The following ORM1 variants were observed in gnomAD, a reference collection of about 807,000 sequenced individuals.
The protein encoded by ORM1 is orosomucoid 1.
Under a neutral mutation model 26.9 loss-of-function variants are expected in ORM1, and 13 were observed. That is an observed-to-expected ratio of 0.48 (90% CI 0.31 to 0.77). The LOEUF is 0.77. Among genes scored for constraint, ORM1 ranks in the 30% least tolerant of loss-of-function variants. The pLI, the probability that ORM1 is intolerant of heterozygous loss-of-function variation, is 0.04. For synonymous variants in ORM1, 76 were observed against 102.2 expected, an observed-to-expected ratio of 0.74 and a Z score of 1.55; for missense variants, 189 against 246.8, an observed-to-expected ratio of 0.77 and a Z score of 1.57.
chr9:114,325,220 G>C, intron 5 of ORM1, 68 bp downstream of exon 5: 1 of 1,458,954 alleles, frequency 6.9e-7, no homozygotes, highest in Non-Finnish European at 9.6e-7. Context: ...CAGAGGCCCA[G>C]AGCAGGAGAG....
intron 3 of ORM1, 77 bp from the exon 4 acceptor site, chr9:114,324,713 C>G (rs1246047378): frequency 5.8e-6 from 7 of 1,212,934 alleles, no homozygotes; most frequent in Non-Finnish European, 8.4e-6. Flanking sequence ...ACTGACACAC[C>G]TAGGCCTCCT....
intron 1 of ORM1, 175 bp from the exon 2 acceptor site, chr9:114,323,488 G>T (rs1227181704): frequency 1.0e-6 from 1 of 963,998 alleles, no homozygotes; most frequent in East Asian, 2.6e-5. Flanking sequence ...GCCTGGAGGG[G>T]CTGCCTGGGG....
chr9:114,323,908 G>A (rs117221569), intron 2 of ORM1, 103 bp downstream of exon 2: 53,025 of 1,597,798 alleles, frequency 0.033, 1,048 homozygotes, highest in Non-Finnish European at 0.039. Flanking sequence ...GGGTGGAACC[G>A]GGAGGGCTGG....
rs569411480 is a variant in ORM1, at chr9:114,326,399, C to G, written c.*42C>G. 7 of 1,372,382 alleles carry G rather than the reference C, an allele frequency of 5.1e-6. No individual in the cohort carries two copies. In the East Asian group the frequency reaches 1.5e-4, roughly 29 times the overall value. The allele number at this position is 1,372,382 out of a possible 1,614,324, so 85.0% of individuals were successfully genotyped here. A position where few individuals can be genotyped will look rare whatever the true frequency, so the allele number is the denominator to read the frequency against. ...ATCAGGACAGAGACTTGGGGGCCAT[C>G]CTGCCCCTCCAACCCGACATGTGTA... On this transcript the variant is annotated 3_prime_UTR_variant, in exon 6 of 6. Coordinates refer to ENST00000259396, the MANE Select transcript of ORM1 (RefSeq NM_000607.4).
At chr9:114,324,373 T>C (rs191080629) in intron 3 of ORM1, among the ~76,000 whole-genome samples, 1,160 of 151,998 alleles carry the variant, frequency 7.6e-3, no homozygotes, top group African/African-American at 0.025. Flanking sequence ...CTCTCTCTCA[T>C]GCCCTCTTTA....
chr9:114,323,614 C>T lies in ORM1; in HGVS notation c.115-49C>T, dbSNP rs775137967. ...CCTGAGTCTCCTCCCAGCTGACAGTCAAAGATTCAGCATCAAGCCCCCATC... is the reference window on the plus strand; with the variant it reads ...CCTGAGTCTCCTCCCAGCTGACAGTTAAAGATTCAGCATCAAGCCCCCATC... On this transcript the variant is annotated intron_variant, in intron 1 of 5. Coordinates refer to ENST00000259396, the MANE Select transcript of ORM1 (RefSeq NM_000607.4). The T allele has an allele frequency of 1.9e-6, 3 of 1,613,866 alleles. No homozygotes were observed. In the Admixed American group the frequency reaches 5.0e-5, roughly 27 times the overall value.
Position 114,324,027 on chromosome 9 carries a change from G to C in ORM1, c.267G>C (p.Gln89His). 5 of 1,614,014 alleles carry C rather than the reference G, an allele frequency of 3.1e-6. No homozygotes were observed. The highest frequency in any genetic ancestry group is 3.4e-6 in the Non-Finnish European group (4 of 1,179,986). ...FLREYQTRQD[Q>H]CIYNTTYLNV... is the part of the protein sequence containing the mutation. The stretch of plus-strand genomic sequence containing the variant: ...TTCTGTTTGGCTTTAGACAGGACCA[G>C]TGCATCTATAACACCACCTACCTGA... Residue 89 changes from glutamine to histidine, a missense_variant, in exon 3 of 6, where the codon CAG (glutamine) becomes CAC (histidine). By Grantham distance (24) the Gln-to-His change is conservative. Transcript: ENST00000259396.
Position 114,325,076 on chromosome 9 carries a change from A to C in ORM1, c.464A>C (p.Gln155Pro). Residue 155 changes from glutamine to proline, a missense_variant, in exon 5 of 6, where the codon CAA (glutamine) becomes CCA (proline). Around this residue, in one of 3 missense-constraint regions of ORM1, gnomAD observed 163 missense variants for 157.7 expected, o/e 1.03. Coordinates refer to ENST00000259396, the MANE Select transcript of ORM1 (RefSeq NM_000607.4). ...YADKPETTKEQLGEFYEALDC... is the reference protein window; with the variant it reads ...YADKPETTKEPLGEFYEALDC... The stretch of plus-strand genomic sequence containing the variant: ...GACAAGCCAGAGACGACCAAGGAGC[A>C]ACTGGGAGAGTTCTACGAAGCTCTC... 1 of 1,614,004 alleles carries C rather than the reference A, an allele frequency of 6.2e-7. No individual in the cohort carries two copies.
chr9:114,325,366 G>A lies in ORM1; in HGVS notation c.540+214G>A, dbSNP rs569467473. ...GAGGGAGAAGTCCCTGTGAAACCAG[G>A]GAGGACCTGAAAGCTAACAGGAGGG... is the stretch of plus-strand genomic sequence containing the variant. On this transcript the variant is annotated intron_variant, in intron 5 of 5. Coordinates refer to ENST00000259396, the MANE Select transcript of ORM1 (RefSeq NM_000607.4). 26 of 479,024 alleles carry A rather than the reference G, an allele frequency of 5.4e-5. No individual in the cohort carries two copies. The East Asian group carries it at 9.1e-4, about 17-fold the overall frequency. 29.7% of individuals were successfully genotyped at this position (479,024 alleles called of 1,614,324 possible). A position where few individuals can be genotyped will look rare whatever the true frequency, so the allele number is the denominator to read the frequency against.
At position 114,323,763 on chromosome 9, in the gene ORM1, A is replaced by G. The variant is rs746201043; in HGVS notation, c.215A>G (p.Asn72Ser). ...IQATFFYFTPNKTEDTIFLRE... is the reference protein window; with the variant it reads ...IQATFFYFTPSKTEDTIFLRE... The stretch of plus-strand genomic sequence containing the variant: ...GCAACCTTCTTTTACTTCACCCCCA[A>G]CAAGACAGAGGACACGATCTTTCTC... Residue 72 changes from asparagine (N) to serine (S), a missense_variant, in exon 2 of 6, where the codon AAC (asparagine) becomes AGC (serine). Around this residue, in one of 3 missense-constraint regions of ORM1, gnomAD observed 163 missense variants for 157.7 expected, o/e 1.03. Coordinates refer to ENST00000259396, the MANE Select transcript of ORM1 (RefSeq NM_000607.4). The G allele has an allele frequency of 2.3e-5, 37 of 1,613,786 alleles. 1 individual carries two copies. In the Admixed American group the frequency reaches 5.7e-4, roughly 25 times the overall value.
At position 114,325,054 on chromosome 9, in the gene ORM1, A is replaced by T; in HGVS notation, c.442A>T (p.Lys148Ter). Reference sequence around the variant, plus strand: ...TCTCCTTGCTCCCCCTGCAGCTGACAAGCCAGAGACGACCAAGGAGCAACT... The same window carrying T: ...TCTCCTTGCTCCCCCTGCAGCTGACTAGCCAGAGACGACCAAGGAGCAACT... ...KNWGLSVYAD[K>*]PETTKEQLGE... The change falls in exon 5 of 6, where the codon AAG (lysine) becomes TAG (stop). Residue 148 changes from lysine (K) to a stop codon, truncating the protein, a stop_gained. Transcript: ENST00000259396. LOFTEE classifies it high-confidence loss of function. The T allele has an allele frequency of 6.2e-7, 1 of 1,613,998 alleles. No homozygotes were observed. Among genetic ancestry groups the T allele is most frequent in the Non-Finnish European group, 8.5e-7 (1 of 1,179,886 alleles).
intron 3 of ORM1, among the ~76,000 whole-genome samples, chr9:114,324,565 C>T (rs1283334028): frequency 6.6e-6 from 1 of 152,142 alleles, no homozygotes; most frequent in African/African-American, 2.4e-5. Flanking sequence ...GGAGAAAGGC[C>T]CTGACAGCCA....
At chr9:114,325,389 G>A in intron 5 of ORM1, 1 of 434,128 alleles carries the variant, frequency 2.3e-6, no homozygotes, top group East Asian at 4.1e-5. Flanking sequence ...GCTAACAGGA[G>A]GGAACAGCGT....
chr9:114,324,724 C>A, intron 3 of ORM1, 66 bp from the exon 4 acceptor site: 1 of 1,336,852 alleles, frequency 7.5e-7, no homozygotes, highest in Non-Finnish European at 1.1e-6. Flanking sequence ...TAGGCCTCCT[C>A]ACCTGTAAGA....
intron 3 of ORM1, 80 bp downstream of exon 3, chr9:114,324,168 C>G: frequency 7.6e-7 from 1 of 1,312,804 alleles, no homozygotes; most frequent in Non-Finnish European, 1.1e-6. Flanking sequence ...GATGTAGAGC[C>G]CTGGAGGCTT....
intron 3 of ORM1, among the ~76,000 whole-genome samples, chr9:114,324,581 T>C (rs1326116973): frequency 6.6e-6 from 1 of 152,200 alleles, no homozygotes; most frequent in Non-Finnish European, 1.5e-5. Context: ...AGCCACGGTC[T>C]GTGTGAGGCT....
In ORM1 at chr9:114,325,159, G is replaced by C. The variant is rs766462952; in HGVS notation, c.540+7G>C. On this transcript the variant is annotated splice_region_variant and intron_variant, in intron 5 of 5. Transcript: ENST00000259396. ...GTACACCGATTGGAAAAAGGTAAAC[G>C]CAAGGGATTGGACAGTGCCCACCTT... 2 of 1,613,258 alleles carry C rather than the reference G, an allele frequency of 1.2e-6. No homozygotes were observed. The highest frequency in any genetic ancestry group is 2.2e-5 in the East Asian group (1 of 44,884).
intron 5 of ORM1, among the ~76,000 whole-genome samples, chr9:114,326,045 G>C (rs867289585): frequency 6.7e-6 from 1 of 150,186 alleles, no homozygotes; most frequent in African/African-American, 2.5e-5. Context: ...CAGGTCCTAA[G>C]TGCACAGTAA....
rs117428165 is a variant in ORM1 at position 114,324,269 on chromosome 9, A to G, written c.328+181A>G. Among the ~76,000 whole-genome samples, 1,399 of 152,142 alleles carry G rather than the reference A, an allele frequency of 9.2e-3. 16 individuals are homozygous for G. Among genetic ancestry groups the G allele is most frequent in the Non-Finnish European group, 0.013 (916 of 67,926 alleles). Reference sequence around the variant, plus strand: ...AGGACACTGAGAGAATTAGAGGAGGAAAAAGAAGAACAGAGACCTCAAATA... The same window carrying G: ...AGGACACTGAGAGAATTAGAGGAGGGAAAAGAAGAACAGAGACCTCAAATA... On this transcript the variant is annotated intron_variant, in intron 3 of 5. Coordinates refer to ENST00000259396, the MANE Select transcript of ORM1 (RefSeq NM_000607.4).
Sources: gnomAD v4.1 joint callset for allele counts (sites outside exome capture counted in the v4.1 genomes callset) on GRCh38, gnomAD v4.1.1 for gene constraint, gnomAD v4.1.1 regional missense constraint, MANE v1.5 for transcripts, NCBI Gene and HGNC (gene_info 2026-07-23, HGNC 2026-07-21) for gene names.